The following ALK variants were observed in gnomAD, a reference collection of about 807,000 sequenced individuals.
The protein encoded by ALK is ALK receptor tyrosine kinase.
Under a neutral mutation model 163.1 loss-of-function variants are expected in ALK, and 74 were observed. That is an observed-to-expected ratio of 0.45 (90% CI 0.38 to 0.55). The LOEUF (loss-of-function observed/expected upper bound fraction) is 0.55. Among genes scored for constraint, ALK ranks in the 20% least tolerant of loss-of-function variants. The pLI is 0.00. For synonymous variants in ALK, 960 were observed against 843.2 expected (o/e 1.14, Z -2.40); for missense variants, 2,063 against 2,105.3 (o/e 0.98, Z 0.39).
rs764315254 is a variant in ALK, at chr2:29,193,565, C to A, written c.4522G>T (p.Gly1508Cys). 1.2e-6 allele frequency: 2 copies of A among 1,614,070 alleles called. No homozygotes were observed. Among genetic ancestry groups the A allele is most frequent in the Non-Finnish European group, 1.7e-6 (2 of 1,180,028 alleles). ...GTGGGTTTCTCTGTAAACCAGGAGC[C>A]GTACGTTGGGTTCCACAAGCTGGTG... ...KPTSLWNPTYGSWFTEKPTKK... is the reference protein window; with the variant it reads ...KPTSLWNPTYCSWFTEKPTKK... The change falls in exon 29 of 29, where the codon GGC (glycine) becomes TGC (cysteine). Residue 1508 changes from glycine to cysteine, a missense_variant. Gly to Cys is a radical substitution (Grantham distance 159, BLOSUM62 -3). This residue lies in a region of ALK where 403 missense variants were observed against 366.2 expected (regional missense o/e 1.10). Coordinates refer to ENST00000389048, the MANE Select transcript of ALK (RefSeq NM_004304.5).
chr2:29,598,365 T>TTTG (rs1553336829), intron 3 of ALK, among the ~76,000 whole-genome samples: 3 of 151,424 alleles, frequency 2.0e-5, no homozygotes, highest in East Asian at 1.9e-4. Flanking sequence ...GTTGTTTGTT[T>TTTG]TTTGTTTGTT....
intron 3 of ALK, among the ~76,000 whole-genome samples, chr2:29,690,828 T>C (rs541957938): frequency 3.3e-5 from 5 of 152,326 alleles, no homozygotes; most frequent in East Asian, 1.9e-4. Flanking sequence ...ACAAGAAATA[T>C]TGCAATAGCA....
At chr2:29,853,584 C>T (rs1459032275) in intron 1 of ALK, among the ~76,000 whole-genome samples, 1 of 152,190 alleles carries the variant, frequency 6.6e-6, no homozygotes, top group Non-Finnish European at 1.5e-5. Flanking sequence ...CTGCCTCCCA[C>T]CTCTGCTCTC....
At chr2:29,508,063 T>G (rs932985896) in intron 4 of ALK, among the ~76,000 whole-genome samples, 11 of 152,178 alleles carry the variant, frequency 7.2e-5, no homozygotes, top group Non-Finnish European at 1.5e-4. Flanking sequence ...CCCACCAAAC[T>G]GAGGGTCTGA....
intron 23 of ALK, 100 bp from the exon 24 acceptor site, chr2:29,214,181 G>T: frequency 1.0e-6 from 1 of 986,906 alleles, no homozygotes; most frequent in Non-Finnish European, 1.6e-6. Flanking sequence ...GGCAGACCGT[G>T]AACATGCAGC....
intron 1 of ALK, among the ~76,000 whole-genome samples, chr2:29,779,165 C>CA (rs1380620171): frequency 5.1e-4 from 77 of 151,000 alleles, no homozygotes; most frequent in African/African-American, 1.7e-3. Context: ...AAAAAAAAAA[C>CA]AAAAAAACAA....
chr2:29,475,104 C>T (rs560692362), intron 4 of ALK, among the ~76,000 whole-genome samples: 1 of 152,248 alleles, frequency 6.6e-6, no homozygotes, highest in East Asian at 1.9e-4. Context: ...TGAGCCCTTC[C>T]GCTGACTTCC....
In ALK at chr2:29,305,114, G is replaced by C. The variant is rs568205017; in HGVS notation, c.1648-8057C>G. On this transcript the variant is annotated intron_variant, in intron 8 of 28. Transcript: ENST00000389048. ...AGGAAGTGCCTGACCCTCTCAGTGA[G>C]GGGTCCATTTTCATCTTGGACTTTG... is the stretch of plus-strand genomic sequence containing the variant. Among the ~76,000 whole-genome samples, 7 of 152,312 alleles carry C rather than the reference G, an allele frequency of 4.6e-5. No individual in the cohort carries two copies. The South Asian group carries it at 1.5e-3, about 32-fold the overall frequency.
intron 4 of ALK, among the ~76,000 whole-genome samples, chr2:29,509,482 A>T (rs956368200): frequency 2.0e-5 from 3 of 152,084 alleles, no homozygotes; most frequent in African/African-American, 7.2e-5. Context: ...AGTGAATATT[A>T]AGTCTGAAAT....
At chr2:29,563,950 G>A (rs1342038611) in intron 3 of ALK, among the ~76,000 whole-genome samples, 2 of 152,148 alleles carry the variant, frequency 1.3e-5, no homozygotes, top group African/African-American at 4.8e-5. Flanking sequence ...GTGGTCACCT[G>A]CCACCTCCTA....
At chr2:29,815,499 C>G (rs1232739801) in intron 1 of ALK, among the ~76,000 whole-genome samples, 1 of 152,132 alleles carries the variant, frequency 6.6e-6, no homozygotes, top group African/African-American at 2.4e-5. Context: ...CGCCGGGCCC[C>G]TTCTTCCACC....
At chr2:29,879,037 A>C (rs1374695772) in intron 1 of ALK, among the ~76,000 whole-genome samples, 2 of 152,150 alleles carry the variant, frequency 1.3e-5, no homozygotes, top group Admixed American at 1.3e-4. Context: ...AGTCAGCAGA[A>C]GTCAATTCTA....
At chr2:29,236,203 G>A (rs78081481) in intron 13 of ALK, among the ~76,000 whole-genome samples, 2,224 of 152,092 alleles carry the variant, frequency 0.015, 62 homozygotes, top group African/African-American at 0.049. Context: ...GAGGCACCCC[G>A]CCTCCCTGGA....
chr2:29,427,614 AAAAAG>A (rs1314684002), intron 4 of ALK, among the ~76,000 whole-genome samples: 5 of 152,112 alleles, frequency 3.3e-5, no homozygotes, highest in East Asian at 1.9e-4. Context: ...CACTTAATAA[AAAAAG>A]AAAACAGTAT....
At chr2:29,852,832 T>TTCTCTCTCTCTCTCTC (rs56348355) in intron 1 of ALK, among the ~76,000 whole-genome samples, 12 of 148,474 alleles carry the variant, frequency 8.1e-5, no homozygotes, top group African/African-American at 2.5e-4. Flanking sequence ...GACCAGAGCT[T>TTCTCTCTCTCTCTCTC]TCTCTCTCTC....
chr2:29,730,880 G>C lies in ALK; in HGVS notation c.668-13183C>G, dbSNP rs368698311. ...GCTCACTACTGGAGAAGGAAGCTCT[G>C]GGTCAGGAGATGTGGCCACAATCAC... is the stretch of plus-strand genomic sequence containing the variant. On this transcript the variant is annotated intron_variant, in intron 1 of 28. Coordinates refer to ENST00000389048, the MANE Select transcript of ALK (RefSeq NM_004304.5). Among the ~76,000 whole-genome samples, 190 of 152,266 alleles carry C rather than the reference G, an allele frequency of 1.2e-3. 1 individual carries two copies. Among genetic ancestry groups the C allele is most frequent in the African/African-American group, 4.4e-3 (182 of 41,556 alleles).
chr2:29,633,096 A>G (rs1265291184), intron 3 of ALK, among the ~76,000 whole-genome samples: 14 of 152,066 alleles, frequency 9.2e-5, no homozygotes, highest in Admixed American at 9.2e-4. Flanking sequence ...TAGTTACACA[A>G]CCTCATCTAT....
intron 3 of ALK, among the ~76,000 whole-genome samples, chr2:29,571,883 G>T (rs1355922899): frequency 1.3e-5 from 2 of 152,072 alleles, no homozygotes; most frequent in Admixed American, 1.3e-4. Flanking sequence ...CAAAGTGCTG[G>T]GATTACAGGT....
intron 23 of ALK, among the ~76,000 whole-genome samples, chr2:29,217,309 ATATG>A: frequency 7.7e-6 from 1 of 130,348 alleles, no homozygotes; most frequent in South Asian, 2.5e-4. Flanking sequence ...ATGTGTGTAT[ATATG>A]CATGTGGTGT....
Sources: allele counts gnomAD v4.1 joint callset (sites outside exome capture counted in the v4.1 genomes callset), GRCh38; gene constraint gnomAD v4.1.1; regional missense constraint gnomAD v4.1.1; transcripts MANE v1.5; gene names NCBI Gene and HGNC (gene_info 2026-07-23, HGNC 2026-07-21).